The following KIAA0319L variants were observed in gnomAD, a reference collection of about 807,000 sequenced individuals.
KIAA0319L encodes the protein KIAA0319 like.
A neutral mutation model predicts 120.1 loss-of-function variants in KIAA0319L; 55 were observed. That is an observed-to-expected ratio of 0.46 (90% confidence interval 0.37 to 0.57). The LOEUF is 0.57. Ranked by LOEUF, KIAA0319L falls within the 20% of genes least tolerant of loss-of-function variation. The pLI is 0.00. For missense variants in KIAA0319L, 1,049 were observed against 1,255.3 expected (o/e 0.84, Z 2.48); for synonymous variants, 398 against 471.9 (o/e 0.84, Z 2.03).
intron 1 of KIAA0319L, among the ~76,000 whole-genome samples, chr1:35,555,407 G>A (rs1487138154): frequency 6.6e-6 from 1 of 152,146 alleles, no homozygotes; most frequent in African/African-American, 2.4e-5. Flanking sequence ...TGCCTGGGCT[G>A]GATACCAATA....
At chr1:35,499,683 G>A (rs1483067589) in intron 3 of KIAA0319L, among the ~76,000 whole-genome samples, 1 of 151,234 alleles carries the variant, frequency 6.6e-6, no homozygotes, top group African/African-American at 2.4e-5. Context: ...TAGATTAGAG[G>A]AGAAAATGGG....
At chr1:35,438,017 G>A (rs1168194749) in intron 20 of KIAA0319L, among the ~76,000 whole-genome samples, 1 of 151,868 alleles carries the variant, frequency 6.6e-6, no homozygotes, top group African/African-American at 2.4e-5. Flanking sequence ...CTCCTCCTTG[G>A]ACCAAAAATC....
chr1:35,468,391 T>C (rs944568628), intron 6 of KIAA0319L, among the ~76,000 whole-genome samples: 38 of 152,192 alleles, frequency 2.5e-4, no homozygotes, highest in African/African-American at 4.8e-5. Context: ...TGATTTTATC[T>C]ATTGCTGTGG....
At chr1:35,485,592 C>T (rs751831049) in intron 3 of KIAA0319L, among the ~76,000 whole-genome samples, 9 of 152,206 alleles carry the variant, frequency 5.9e-5, no homozygotes, top group Non-Finnish European at 1.0e-4. Context: ...CCTTCTATGG[C>T]TCTCTTATTT....
chr1:35,543,450 T>G (rs1646867110), intron 2 of KIAA0319L, among the ~76,000 whole-genome samples: 1 of 152,222 alleles, frequency 6.6e-6, no homozygotes, highest in Non-Finnish European at 1.5e-5. Context: ...CTGCCTCAAT[T>G]TGGGTGCCCA....
intron 4 of KIAA0319L, 106 bp from the exon 5 acceptor site, chr1:35,475,012 G>T: frequency 1.5e-6 from 1 of 650,460 alleles, no homozygotes; most frequent in South Asian, 1.8e-5. Context: ...TTCAGCTACT[G>T]CCATCAATTA....
chr1:35,544,779 T>C (rs1353805694), intron 2 of KIAA0319L, among the ~76,000 whole-genome samples: 1 of 152,154 alleles, frequency 6.6e-6, no homozygotes, highest in African/African-American at 2.4e-5. Flanking sequence ...GAGTAGCTGA[T>C]ATCAGACTCA....
At chr1:35,533,987 C>T (rs1646471649) in intron 2 of KIAA0319L, among the ~76,000 whole-genome samples, 1 of 152,208 alleles carries the variant, frequency 6.6e-6, no homozygotes, top group South Asian at 2.1e-4. Flanking sequence ...TAACTAAATC[C>T]TTTGAAGGAC....
rs555865902 is a variant in KIAA0319L at position 35,552,068 on chromosome 1, G to C, written c.142+2282C>G. ...AAAAAAAAAAAAAAAATTGCCACCA[G>C]GCATGGTGGCTCACGCCTGTAATCC... is the stretch of plus-strand genomic sequence containing the variant. On this transcript the variant is annotated intron_variant, in intron 2 of 20. Transcript: ENST00000325722. Among the ~76,000 whole-genome samples the C allele has an allele frequency of 3.6e-3, 553 of 152,068 alleles. 1 individual carries two copies. The highest frequency in any genetic ancestry group is 6.7e-3 in the Non-Finnish European group (456 of 67,986).
chr1:35,485,750 T>C (rs1173696067), intron 3 of KIAA0319L, among the ~76,000 whole-genome samples: 1 of 152,224 alleles, frequency 6.6e-6, no homozygotes, highest in Non-Finnish European at 1.5e-5. Context: ...TTTTCACCTG[T>C]CCCACATTAA....
At chr1:35,533,260 CCT>C (rs993922056) in intron 2 of KIAA0319L, 11 of 152,212 alleles carry the variant, frequency 7.2e-5, no homozygotes, top group South Asian at 2.1e-4. Flanking sequence ...CAGAACGTCC[CCT>C]GTTTCAGGAG....
chr1:35,479,298 G>T, intron 3 of KIAA0319L, 86 bp from the exon 4 acceptor site: 2 of 1,143,430 alleles, frequency 1.7e-6, no homozygotes, highest in Non-Finnish European at 2.5e-6. Flanking sequence ...TCTATTAAAT[G>T]TTCTCTTGAA....
intron 2 of KIAA0319L, among the ~76,000 whole-genome samples, chr1:35,519,696 C>A (rs1394215713): frequency 1.3e-5 from 2 of 152,122 alleles, no homozygotes; most frequent in African/African-American, 2.4e-5. Flanking sequence ...GTGAAAAGAA[C>A]TCTTTTCAAA....
chr1:35,534,129 A>G (rs1646476999), intron 2 of KIAA0319L, among the ~76,000 whole-genome samples: 1 of 152,224 alleles, frequency 6.6e-6, no homozygotes. Context: ...GCTGCCTCAC[A>G]AAGCAGTCCT....
At chr1:35,478,939 T>A in intron 4 of KIAA0319L, 27 bp downstream of exon 4, 1 of 1,607,172 alleles carries the variant, frequency 6.2e-7, no homozygotes, top group Non-Finnish European at 8.5e-7. Context: ...ACTTTTTCCT[T>A]CTATCTCCAA....
chr1:35,541,421 C>T (rs1646788393), intron 2 of KIAA0319L, among the ~76,000 whole-genome samples: 1 of 146,948 alleles, frequency 6.8e-6, no homozygotes, highest in Admixed American at 7.0e-5. Flanking sequence ...GCAATCTCAG[C>T]TCACCGCAAC....
At chr1:35,510,694 A>C (rs1313517767) in intron 2 of KIAA0319L, 1 of 151,854 alleles carries the variant, frequency 6.6e-6, no homozygotes, top group Non-Finnish European at 1.5e-5. Flanking sequence ...TGCAGCCTTG[A>C]CCTTCGGGCC....
In KIAA0319L at chr1:35,453,933, C is replaced by A. The variant is rs1456136291; in HGVS notation, c.1781-244G>T. On this transcript the variant is annotated intron_variant, in intron 11 of 20. Transcript: ENST00000325722. This position sits in a 1 kb window ranked among gnomAD's most constrained non-coding sequence, Gnocchi z 4.1. ...GTTATAATGCCATACTAAACTTGAA[C>A]TCTAATGCTAAGGGAGTTCAAATGA... is the stretch of plus-strand genomic sequence containing the variant. 6.6e-6 allele frequency among the ~76,000 whole-genome samples: 1 copy of A among 152,148 alleles called. No individual in the cohort carries two copies. Among genetic ancestry groups the A allele is most frequent in the African/African-American group, 2.4e-5 (1 of 41,418 alleles).
chr1:35,442,406 G>T, intron 18 of KIAA0319L, 70 bp from the exon 19 acceptor site: 1 of 1,199,408 alleles, frequency 8.3e-7, no homozygotes, highest in Non-Finnish European at 1.2e-6. Flanking sequence ...GCTGCTCCCA[G>T]CTTGGGCAGG....
Sources: gnomAD v4.1 joint callset for allele counts (sites outside exome capture counted in the v4.1 genomes callset) on GRCh38, gnomAD v4.1.1 for gene constraint, Gnocchi (gnomAD v3.1) non-coding constraint, MANE v1.5 for transcripts, NCBI Gene and HGNC (gene_info 2026-07-23, HGNC 2026-07-21) for gene names.